FAM135B: variants seen among roughly 807,000 people sequenced by gnomAD.
The protein encoded by FAM135B is family with sequence similarity 135 member B.
In FAM135B, 43 loss-of-function variants were observed where a neutral mutation model predicts 127.7. The ratio of observed to expected loss-of-function variants is 0.34; its 90% confidence interval spans 0.26 to 0.43. The LOEUF (loss-of-function observed/expected upper bound fraction) is 0.43. Ranked by LOEUF, FAM135B falls within the 20% of genes least tolerant of loss-of-function variation. The pLI is 1.00. For synonymous variants in FAM135B, 670 were observed against 665.1 expected, an observed-to-expected ratio of 1.01 and a Z score of -0.11; for missense variants, 1,558 against 1,725.6, an observed-to-expected ratio of 0.90 and a Z score of 1.72.
chr8:138,391,326 G>C (rs980587550), intron 1 of FAM135B, among the ~76,000 whole-genome samples: 1 of 151,950 alleles, frequency 6.6e-6, no homozygotes, highest in African/African-American at 2.4e-5. Flanking sequence ...GAGCCCCCAG[G>C]ACTGGCCTCT....
chr8:138,484,150 T>C (rs1814896081), intron 1 of FAM135B, among the ~76,000 whole-genome samples: 1 of 152,220 alleles, frequency 6.6e-6, no homozygotes, highest in African/African-American at 2.4e-5. Flanking sequence ...TCTAATTCTA[T>C]GAGTTTTTTT....
At chr8:138,484,872 T>C (rs763862535) in intron 1 of FAM135B, among the ~76,000 whole-genome samples, 2 of 152,222 alleles carry the variant, frequency 1.3e-5, no homozygotes, top group Non-Finnish European at 2.9e-5. Context: ...GAATTCTACC[T>C]TGGGCACAAG....
intron 2 of FAM135B, among the ~76,000 whole-genome samples, chr8:138,334,273 G>C (rs1217593796): frequency 6.6e-6 from 1 of 152,172 alleles, no homozygotes; most frequent in East Asian, 1.9e-4. Flanking sequence ...AGAATTGCTT[G>C]CTCTGGCAAT....
Position 138,343,692 on chromosome 8 carries a change from C to T in FAM135B, c.77+24215G>A, listed in dbSNP as rs1350134962. ...CCTTGCCCTTGACTAAGTCCACAAC[C>T]ATTCCATCACCTCCCAAACGTGTCT... On this transcript the variant is annotated intron_variant, in intron 2 of 19. Coordinates refer to ENST00000395297, the MANE Select transcript of FAM135B (RefSeq NM_015912.4). 5.9e-5 allele frequency among the ~76,000 whole-genome samples: 9 copies of T among 152,346 alleles called. No individual in the cohort carries two copies. The East Asian group carries it at 1.7e-3, about 29-fold the overall frequency.
chr8:138,389,430 T>C (rs1450586794), intron 1 of FAM135B, among the ~76,000 whole-genome samples: 4 of 152,198 alleles, frequency 2.6e-5, no homozygotes, highest in Non-Finnish European at 4.4e-5. Flanking sequence ...AACTGATAAA[T>C]GGATAAATCA....
intron 2 of FAM135B, among the ~76,000 whole-genome samples, chr8:138,331,899 C>A (rs558269678): frequency 3.6e-4 from 55 of 152,178 alleles, no homozygotes; most frequent in African/African-American, 1.3e-3. Flanking sequence ...ATGGAGAGCC[C>A]CCAGGTGATA....
At chr8:138,134,231 C>T (rs764194726) in intron 19 of FAM135B, among the ~76,000 whole-genome samples, 38 of 152,026 alleles carry the variant, frequency 2.5e-4, no homozygotes, top group Admixed American at 8.5e-4. Flanking sequence ...ATGAACATTA[C>T]GTAATAATAT....
chr8:138,268,647 G>A (rs1314521246), intron 3 of FAM135B, among the ~76,000 whole-genome samples: 6 of 152,010 alleles, frequency 3.9e-5, no homozygotes, highest in African/African-American at 9.7e-5. Context: ...CTGGATACCC[G>A]ACCCACTATC....
At chr8:138,240,864 G>A (rs1820707070) in intron 7 of FAM135B, among the ~76,000 whole-genome samples, 1 of 152,112 alleles carries the variant, frequency 6.6e-6, no homozygotes, top group African/African-American at 2.4e-5. Context: ...CTTGGGAGAT[G>A]AGTGTTGAAA....
intron 13 of FAM135B, chr8:138,148,921 A>G (rs1817877202): frequency 5.9e-6 from 1 of 169,350 alleles, no homozygotes; most frequent in Non-Finnish European, 1.2e-5. Flanking sequence ...ATAGGTGGGA[A>G]TTGAACAATG....
At chr8:138,254,340 C>T (rs1400903958) in intron 5 of FAM135B, among the ~76,000 whole-genome samples, 2 of 152,144 alleles carry the variant, frequency 1.3e-5, no homozygotes, top group African/African-American at 4.8e-5. Context: ...TACACTGTGA[C>T]TTATCACATG....
At position 138,241,343 on chromosome 8, in the gene FAM135B, T is replaced by C. The variant is rs1004382786; in HGVS notation, c.669+1599A>G. Among the ~76,000 whole-genome samples the C allele has an allele frequency of 1.3e-5, 2 of 152,212 alleles. No homozygotes were observed. The highest frequency in any genetic ancestry group is 1.3e-4 in the Admixed American group (2 of 15,284). ...TCTGCATCTACAAGTCACCGGAGTCTACCCTGGAACTGGTCTTATTTGGCT... is the reference window on the plus strand; with the variant it reads ...TCTGCATCTACAAGTCACCGGAGTCCACCCTGGAACTGGTCTTATTTGGCT... On this transcript the variant is annotated intron_variant, in intron 7 of 19. Coordinates refer to ENST00000395297, the MANE Select transcript of FAM135B (RefSeq NM_015912.4). The surrounding 1 kb of genome is among the most constrained non-coding windows in gnomAD (Gnocchi z 4.8).
intron 2 of FAM135B, among the ~76,000 whole-genome samples, chr8:138,358,943 C>T (rs1389350438): frequency 1.3e-5 from 2 of 152,034 alleles, no homozygotes; most frequent in East Asian, 1.9e-4. Context: ...TCTTTATACA[C>T]CTGCTGAGCC....
At chr8:138,169,852 T>C (rs1056912535) in intron 11 of FAM135B, among the ~76,000 whole-genome samples, 1 of 152,228 alleles carries the variant, frequency 6.6e-6, no homozygotes, top group African/African-American at 2.4e-5. Flanking sequence ...GTCTAAGTTA[T>C]GTTATGCAGG....
At chr8:138,221,267 C>T (rs554109538) in intron 7 of FAM135B, among the ~76,000 whole-genome samples, 8 of 152,096 alleles carry the variant, frequency 5.3e-5, no homozygotes, top group Non-Finnish European at 1.2e-4. Flanking sequence ...GAAGCAGGCA[C>T]CTCTTAGATG....
chr8:138,453,473 G>T (rs928761445), intron 1 of FAM135B, among the ~76,000 whole-genome samples: 1 of 150,466 alleles, frequency 6.6e-6, no homozygotes, highest in African/African-American at 2.4e-5. Flanking sequence ...TGACGTAAGA[G>T]AAGTATATGC....
At chr8:138,335,536 C>G (rs1395858257) in intron 2 of FAM135B, among the ~76,000 whole-genome samples, 2 of 152,168 alleles carry the variant, frequency 1.3e-5, no homozygotes, top group Non-Finnish European at 2.9e-5. Flanking sequence ...GTAAAGGGAT[C>G]AATTCAACAA....
chr8:138,275,211 T>C (rs1309247774), intron 3 of FAM135B, among the ~76,000 whole-genome samples: 1 of 152,226 alleles, frequency 6.6e-6, no homozygotes, highest in Non-Finnish European at 1.5e-5. Context: ...AGCCGGTCCC[T>C]CTGTTTGGGG....
In FAM135B at chr8:138,137,205, C is replaced by T. The variant is rs772562293; in HGVS notation, c.3957G>A (p.Val1319=). 1.2e-6 allele frequency: 2 copies of T among 1,612,420 alleles called. No individual in the cohort carries two copies. Among genetic ancestry groups the T allele is most frequent in the Non-Finnish European group, 1.7e-6 (2 of 1,178,412 alleles). Residue 1319 remains valine (V), a synonymous_variant, in exon 19 of 20, where the codon GTG becomes GTA. Transcript: ENST00000395297. ...VLVASPQDRY[V]PFHSARIEMC... is the part of the protein sequence containing the mutation. The stretch of plus-strand genomic sequence containing the variant: ...TTTCAATCCTGGCTGAATGAAATGG[C>T]ACATAACGGTCTTGGGGAGAAGCAA...
Sources: allele counts gnomAD v4.1 joint callset (sites outside exome capture counted in the v4.1 genomes callset), GRCh38; gene constraint gnomAD v4.1.1; non-coding constraint Gnocchi (gnomAD v3.1); transcripts MANE v1.5; gene names NCBI Gene and HGNC (gene_info 2026-07-23, HGNC 2026-07-21).